TMEM232: variants seen among roughly 807,000 people sequenced by gnomAD.
The protein encoded by TMEM232 is transmembrane protein 232.
A neutral mutation model predicts 78.8 loss-of-function variants in TMEM232; 80 were observed. That is an observed-to-expected ratio of 1.01 (90% CI 0.85 to 1.22). TMEM232 has a LOEUF of 1.22. Ranked by LOEUF, TMEM232 falls within the 50% of genes most tolerant of loss-of-function variation. TMEM232 has a pLI of 0.00. For synonymous variants in TMEM232, 297 were observed against 254.3 expected, an observed-to-expected ratio of 1.17 and a Z score of -1.60; for missense variants, 881 against 742.2, an observed-to-expected ratio of 1.19 and a Z score of -2.17.
intron 10 of TMEM232, among the ~76,000 whole-genome samples, chr5:110,570,326 A>C (rs983913120): frequency 6.6e-6 from 1 of 152,024 alleles, no homozygotes; most frequent in African/African-American, 2.4e-5. Context: ...AAAAAAGCCC[A>C]AATTTAAGGT....
intron 11 of TMEM232, among the ~76,000 whole-genome samples, chr5:110,535,173 A>T (rs1772150166): frequency 6.6e-6 from 1 of 152,170 alleles, no homozygotes; most frequent in African/African-American, 2.4e-5. Flanking sequence ...CTGCCTGTAC[A>T]CATCCAGATG....
At chr5:110,603,301 T>A (rs752503400) in intron 10 of TMEM232, among the ~76,000 whole-genome samples, 28 of 152,048 alleles carry the variant, frequency 1.8e-4, no homozygotes, top group Non-Finnish European at 3.7e-4. Flanking sequence ...AGTATAATAA[T>A]ACATAAATTT....
chr5:110,501,348 TAAGAG>T (rs768252329), intron 12 of TMEM232, among the ~76,000 whole-genome samples: 12 of 152,056 alleles, frequency 7.9e-5, no homozygotes, highest in Non-Finnish European at 1.8e-4. Flanking sequence ...AAAGGAATTG[TAAGAG>T]AAAAGTAGAA....
chr5:110,570,946 C>A (rs1776871980), intron 10 of TMEM232, among the ~76,000 whole-genome samples: 1 of 151,926 alleles, frequency 6.6e-6, no homozygotes, highest in South Asian at 2.1e-4. Flanking sequence ...TACAAACAGA[C>A]AAAACTACTG....
chr5:110,622,237 C>T (rs1258658703), intron 7 of TMEM232, among the ~76,000 whole-genome samples: 1 of 152,086 alleles, frequency 6.6e-6, no homozygotes, highest in Admixed American at 6.6e-5. Context: ...TTAGGTAATG[C>T]CTTTGGCTTA....
intron 5 of TMEM232, among the ~76,000 whole-genome samples, 166 bp from the exon 6 acceptor site, chr5:110,628,046 G>A (rs1476527865): frequency 1.3e-5 from 2 of 151,918 alleles, no homozygotes; most frequent in Non-Finnish European, 2.9e-5. Context: ...TTTATATCAA[G>A]ATTGAAATGC....
chr5:110,477,832 T>G (rs1420099584), intron 12 of TMEM232, among the ~76,000 whole-genome samples: 1 of 151,956 alleles, frequency 6.6e-6, no homozygotes. Context: ...AATACTATCA[T>G]GGGATTAATG....
chr5:110,685,491 T>C (rs1561511894), intron 1 of TMEM232, among the ~76,000 whole-genome samples: 1 of 151,994 alleles, frequency 6.6e-6, no homozygotes, highest in Non-Finnish European at 1.5e-5. Context: ...TTGCTAACAT[T>C]AAAAAAACTG....
At chr5:110,516,540 A>G (rs1487791624) in intron 12 of TMEM232, among the ~76,000 whole-genome samples, 1 of 152,164 alleles carries the variant, frequency 6.6e-6, no homozygotes, top group Non-Finnish European at 1.5e-5. Flanking sequence ...TAGAACTATT[A>G]CATACCTATT....
chr5:110,465,007 G>T (rs1761924031), intron 12 of TMEM232, among the ~76,000 whole-genome samples: 1 of 152,186 alleles, frequency 6.6e-6, no homozygotes, highest in Non-Finnish European at 1.5e-5. Context: ...CTTCCTTAAG[G>T]CAGTACATCC....
At chr5:110,547,271 A>T (rs1283344869) in intron 11 of TMEM232, among the ~76,000 whole-genome samples, 1 of 152,174 alleles carries the variant, frequency 6.6e-6, no homozygotes, top group African/African-American at 2.4e-5. Context: ...ATGTAAATAG[A>T]TGTTTGTTCT....
At chr5:110,654,496 T>G (rs1358449056) in intron 2 of TMEM232, among the ~76,000 whole-genome samples, 2 of 152,192 alleles carry the variant, frequency 1.3e-5, no homozygotes, top group Non-Finnish European at 2.9e-5. Flanking sequence ...TCTGTTCTAT[T>G]CCATTGATCT....
intron 1 of TMEM232, among the ~76,000 whole-genome samples, chr5:110,736,561 C>T (rs562886656): frequency 1.3e-5 from 2 of 150,348 alleles, no homozygotes; most frequent in South Asian, 4.2e-4. Context: ...TCATTTAATA[C>T]TCATCTCTAA....
At chr5:110,656,369 C>T (rs1789052977) in intron 2 of TMEM232, among the ~76,000 whole-genome samples, 1 of 152,188 alleles carries the variant, frequency 6.6e-6, no homozygotes, top group Non-Finnish European at 1.5e-5. Context: ...AGCTTCTGCT[C>T]TCAAGTTCCA....
In TMEM232 at chr5:110,625,320, T is replaced by C. The variant is rs2149934216; in HGVS notation, c.715A>G (p.Ile239Val). ...TTCTTATCTTCCACAGGTCTAAAAA[T>C]GGATTCAGAACGGAGTTCTCTTTTA... ...IGKRELRSESIFRPVEDKKRY... is the reference protein window; with the variant it reads ...IGKRELRSESVFRPVEDKKRY... The change falls in exon 7 of 14, where the codon ATT (isoleucine) becomes GTT (valine). Residue 239 changes from isoleucine to valine, a missense_variant. Coordinates refer to ENST00000455884, the MANE Select transcript of TMEM232 (RefSeq NM_001039763.4). 6.5e-7 allele frequency: 1 copy of C among 1,546,410 alleles called. No individual in the cohort carries two copies. Among genetic ancestry groups the C allele is most frequent in the Non-Finnish European group, 8.7e-7 (1 of 1,144,406 alleles).
chr5:110,692,664 G>C (rs1032634893), intron 1 of TMEM232, among the ~76,000 whole-genome samples: 1 of 152,210 alleles, frequency 6.6e-6, no homozygotes, highest in Non-Finnish European at 1.5e-5. Context: ...TCTCACACCT[G>C]GCGCAGAGGG....
intron 11 of TMEM232, among the ~76,000 whole-genome samples, chr5:110,535,890 G>A (rs887832964): frequency 5.3e-5 from 8 of 152,064 alleles, no homozygotes; most frequent in Non-Finnish European, 1.2e-4. Flanking sequence ...AAATCAAAAC[G>A]CCAACTTTCC....
At chr5:110,462,767 C>A (rs574781493) in intron 12 of TMEM232, among the ~76,000 whole-genome samples, 1 of 152,062 alleles carries the variant, frequency 6.6e-6, no homozygotes, top group Non-Finnish European at 1.5e-5. Flanking sequence ...TTAGTTCTGT[C>A]CCTCTAGGGT....
chr5:110,711,837 T>C (rs891344427), intron 1 of TMEM232, among the ~76,000 whole-genome samples: 2 of 152,140 alleles, frequency 1.3e-5, no homozygotes, highest in Non-Finnish European at 2.9e-5. Flanking sequence ...CCAGGTGTGG[T>C]GGCTCACGCC....
Sources: allele counts gnomAD v4.1 joint callset (sites outside exome capture counted in the v4.1 genomes callset), GRCh38; gene constraint gnomAD v4.1.1; transcripts MANE v1.5; gene names NCBI Gene and HGNC (gene_info 2026-07-23, HGNC 2026-07-21).